MTBP: variants seen among roughly 807,000 people sequenced by gnomAD.
The protein encoded by MTBP is mdm2-binding protein.
In MTBP, 101 loss-of-function variants were observed where a neutral mutation model predicts 117.0. That is an observed-to-expected ratio of 0.86 (90% CI 0.73 to 1.02). The LOEUF (loss-of-function observed/expected upper bound fraction) is 1.02, where lower values mean the gene tolerates loss of function less well. MTBP is among the 50% of genes least tolerant of loss of function. The pLI is 0.00. For missense variants in MTBP, 970 were observed against 1,030.9 expected (o/e 0.94, Z 0.81); for synonymous variants, 350 against 351.5 (o/e 1.00, Z 0.05).
In MTBP at chr8:120,455,491, A is replaced by G; in HGVS notation, c.541A>G (p.Lys181Glu). The G allele has an allele frequency of 6.2e-7, 1 of 1,607,106 alleles. No individual in the cohort carries two copies. The highest frequency in any genetic ancestry group is 8.5e-7 in the Non-Finnish European group (1 of 1,174,768). Residue 181 changes from lysine to glutamate, a missense_variant, in exon 6 of 22, where the codon AAA becomes GAA. Coordinates refer to ENST00000305949, the MANE Select transcript of MTBP (RefSeq NM_022045.5). ...LLSDKDPPKL[K>E]DYLPTVGALK... ...TTCTGACAAAGATCCTCCTAAATTG[A>G]AAGACTATTTACCTACTGTAGGAGC...
intron 10 of MTBP, among the ~76,000 whole-genome samples, chr8:120,465,660 T>TTTC (rs1813671121): frequency 7.0e-6 from 1 of 142,324 alleles, no homozygotes; most frequent in Non-Finnish European, 1.5e-5. Flanking sequence ...AGAGACTTTT[T>TTTC]TTTTTTTTTT....
chr8:120,458,684 AC>A (rs1454503347), intron 7 of MTBP, among the ~76,000 whole-genome samples: 4 of 151,986 alleles, frequency 2.6e-5, no homozygotes, highest in African/African-American at 9.7e-5. Flanking sequence ...TACTAAAAAT[AC>A]AAAAAATTAG....
chr8:120,496,706 A>G (rs1586962984), intron 13 of MTBP, among the ~76,000 whole-genome samples: 1 of 97,304 alleles, frequency 1.0e-5, no homozygotes, highest in Admixed American at 1.1e-4. Context: ...GATGTTCCAT[A>G]CAAAAAAAAA....
intron 12 of MTBP, 72 bp downstream of exon 12, chr8:120,488,404 GTAGAAGAAA>G: frequency 1.7e-6 from 2 of 1,150,764 alleles, no homozygotes; most frequent in South Asian, 5.2e-5. Flanking sequence ...GTGGCTTTAA[GTAGAAGAAA>G]TACTAAACAT....
chr8:120,469,297 C>T (rs141652540), intron 10 of MTBP, among the ~76,000 whole-genome samples: 2,201 of 152,186 alleles, frequency 0.014, 48 homozygotes, highest in African/African-American at 0.051. Flanking sequence ...CCACTTGCCT[C>T]GGCCTCCCAA....
intron 10 of MTBP, among the ~76,000 whole-genome samples, chr8:120,468,342 C>CA (rs1375686255): frequency 1.3e-5 from 2 of 152,154 alleles, no homozygotes; most frequent in African/African-American, 2.4e-5. Flanking sequence ...TAACTAGGCT[C>CA]AAACACATCT....
Position 120,516,207 on chromosome 8 carries a change from C to T in MTBP, c.2246+16C>T, listed in dbSNP as rs1554642423. On this transcript the variant is annotated intron_variant, in intron 18 of 21. Transcript: ENST00000305949. ...CCAGAAAAAGGTGATATATTACATG[C>T]ACATAAATAGTATATTGACAGAAAG... The T allele has an allele frequency of 1.3e-6, 2 of 1,584,906 alleles. No individual in the cohort carries two copies. Among genetic ancestry groups the T allele is most frequent in the Non-Finnish European group, 1.7e-6 (2 of 1,157,910 alleles).
intron 13 of MTBP, among the ~76,000 whole-genome samples, chr8:120,492,861 CTT>C (rs1814375639): frequency 6.6e-6 from 1 of 151,986 alleles, no homozygotes; most frequent in African/African-American, 2.4e-5. Context: ...AAGCTTGTGA[CTT>C]ATATTTTACC....
chr8:120,513,026 G>A (rs1814845303), intron 17 of MTBP, among the ~76,000 whole-genome samples: 1 of 151,992 alleles, frequency 6.6e-6, no homozygotes, highest in African/African-American at 2.4e-5. Context: ...GCAAAACAAT[G>A]TTTTTTAAGG....
chr8:120,451,244 A>G lies in MTBP; in HGVS notation c.347A>G (p.Asn116Ser), dbSNP rs144280778. ...AAAATTGAAGATGTTCTTCAAACGA[A>G]TATCGAAGAATGTTTGGGTGCTGTT... ...KDKIEDVLQT[N>S]IEECLGAVEC... The change falls in exon 4 of 22, where the codon AAT becomes AGT. Residue 116 changes from asparagine to serine, a missense_variant. Transcript: ENST00000305949. The G allele has an allele frequency of 7.6e-5, 122 of 1,611,514 alleles. No individual in the cohort carries two copies. In the African/African-American group the frequency reaches 1.5e-3, roughly 19 times the overall value.
rs374879489 is a variant in MTBP at position 120,459,574 on chromosome 8, G to A, written c.882+225G>A. On this transcript the variant is annotated intron_variant, in intron 8 of 21. Coordinates refer to ENST00000305949, the MANE Select transcript of MTBP (RefSeq NM_022045.5). ...AAAAAAATGTAATGCTACTAAATGT[G>A]TATAGTCCTGAAACCACCTTTGGTT... Among the ~76,000 whole-genome samples the A allele has an allele frequency of 7.0e-4, 106 of 152,236 alleles. 1 individual carries two copies. The highest frequency in any genetic ancestry group is 2.4e-3 in the African/African-American group (99 of 41,542).
At chr8:120,490,707 A>T (rs982314803) in intron 13 of MTBP, 137 bp downstream of exon 13, 4 of 572,880 alleles carry the variant, frequency 7.0e-6, no homozygotes, top group Non-Finnish European at 1.2e-5. Flanking sequence ...TATTTTTGAA[A>T]GCAATGATGT....
chr8:120,509,921 T>C lies in MTBP; in HGVS notation c.1884-13T>C. ...ATAAACTTTGAATACAAATGAAAAA[T>C]TTTTTGTTTCAGGGAAAAGACTTTT... is the stretch of plus-strand genomic sequence containing the variant. On this transcript the variant is annotated splice_polypyrimidine_tract_variant and intron_variant, in intron 16 of 21. Transcript: ENST00000305949. 2 of 1,586,596 alleles carry C rather than the reference T, an allele frequency of 1.3e-6. No individual in the cohort carries two copies. Among genetic ancestry groups the C allele is most frequent in the Non-Finnish European group, 8.6e-7 (1 of 1,163,702 alleles).
chr8:120,516,752 G>C (rs1201426195), intron 18 of MTBP, among the ~76,000 whole-genome samples: 1 of 151,946 alleles, frequency 6.6e-6, no homozygotes, highest in African/African-American at 2.4e-5. Context: ...AATTTTTATT[G>C]AATTTATGTT....
At chr8:120,489,631 C>T (rs943059480) in intron 12 of MTBP, among the ~76,000 whole-genome samples, 19 of 152,082 alleles carry the variant, frequency 1.2e-4, no homozygotes, top group South Asian at 4.1e-4. Flanking sequence ...TGTCCTAGTC[C>T]GGTGTGACAG....
At position 120,512,849 on chromosome 8, in the gene MTBP, T is replaced by A. The variant is rs920399100; in HGVS notation, c.1979+2820T>A. On this transcript the variant is annotated intron_variant, in intron 17 of 21. Transcript: ENST00000305949. ...TTTGGGTGTATAGTATGAGAACCGA[T>A]TTATGTTCAACATAGATTATGGTGT... 1.2e-4 allele frequency among the ~76,000 whole-genome samples: 19 copies of A among 152,222 alleles called. No homozygotes were observed. In the East Asian group the frequency reaches 3.1e-3, roughly 25 times the overall value.
At chr8:120,502,426 C>A in intron 14 of MTBP, 66 bp from the exon 15 acceptor site, 1 of 1,122,038 alleles carries the variant, frequency 8.9e-7, no homozygotes, top group Non-Finnish European at 1.3e-6. Flanking sequence ...TGTAAATACA[C>A]ATTTTTATTA....
intron 16 of MTBP, among the ~76,000 whole-genome samples, chr8:120,508,622 T>A (rs1814739196): frequency 6.6e-6 from 1 of 152,200 alleles, no homozygotes; most frequent in African/African-American, 2.4e-5. Context: ...GTACCCTAGA[T>A]AATTTTCAGT....
At chr8:120,466,354 A>G (rs1253782155) in intron 10 of MTBP, among the ~76,000 whole-genome samples, 1 of 151,042 alleles carries the variant, frequency 6.6e-6, no homozygotes, top group Non-Finnish European at 1.5e-5. Flanking sequence ...TAGAACTACA[A>G]GCATACACCA....
Sources: gnomAD v4.1 joint callset for allele counts (sites outside exome capture counted in the v4.1 genomes callset) on GRCh38, gnomAD v4.1.1 for gene constraint, MANE v1.5 for transcripts, NCBI Gene and HGNC (gene_info 2026-07-23, HGNC 2026-07-21) for gene names.